Variants in LDB2 observed in about 807,000 individuals in gnomAD.
LDB2 encodes LIM domain-binding protein 2.
LDB2 carries 12 observed loss-of-function variants against 44.3 expected under a neutral mutation model. That is an observed-to-expected ratio of 0.27 (90% CI 0.17 to 0.44). The LOEUF (loss-of-function observed/expected upper bound fraction) is 0.44, where lower values mean the gene tolerates loss of function less well. Ranked by LOEUF, LDB2 falls within the 20% of genes least tolerant of loss-of-function variation. LDB2 has a pLI of 1.00. For synonymous variants in LDB2, 164 were observed against 174.8 expected, an observed-to-expected ratio of 0.94 and a Z score of 0.49; for missense variants, 344 against 473.5, an observed-to-expected ratio of 0.73 and a Z score of 2.54.
intron 2 of LDB2, among the ~76,000 whole-genome samples, chr4:16,745,342 G>A (rs1031235381): frequency 6.6e-6 from 1 of 152,208 alleles, no homozygotes; most frequent in African/African-American, 2.4e-5. Flanking sequence ...GGAGACTGCG[G>A]GGATTTAAGA....
chr4:16,788,671 G>A (rs558487147), intron 1 of LDB2, among the ~76,000 whole-genome samples: 1 of 152,216 alleles, frequency 6.6e-6, no homozygotes, highest in Non-Finnish European at 1.5e-5. Flanking sequence ...AGCACTGGTA[G>A]ATGAAAAAAC....
chr4:16,640,084 T>C (rs1734716735), intron 2 of LDB2, among the ~76,000 whole-genome samples: 1 of 152,258 alleles, frequency 6.6e-6, no homozygotes. Flanking sequence ...CCACTTTACT[T>C]TCTACATGTT....
chr4:16,535,455 C>G (rs1731495752), intron 5 of LDB2, among the ~76,000 whole-genome samples: 1 of 152,198 alleles, frequency 6.6e-6, no homozygotes, highest in Admixed American at 6.5e-5. Context: ...TGAGTGTCCA[C>G]ATTCTGTGTG....
chr4:16,543,523 GTGA>G (rs1325777581), intron 5 of LDB2, among the ~76,000 whole-genome samples: 3 of 152,230 alleles, frequency 2.0e-5, no homozygotes, highest in African/African-American at 4.8e-5. Flanking sequence ...CTGATGGCCA[GTGA>G]TGATGAGCAT....
At chr4:16,612,450 A>G (rs56149911) in intron 2 of LDB2, among the ~76,000 whole-genome samples, 54,041 of 151,952 alleles carry the variant, frequency 0.36, 10,024 homozygotes, top group East Asian at 0.57. Flanking sequence ...AAAAATTAAC[A>G]AAACAGATTG....
chr4:16,762,057 G>A (rs183133921), intron 1 of LDB2, among the ~76,000 whole-genome samples: 206 of 152,254 alleles, frequency 1.4e-3, no homozygotes, highest in Non-Finnish European at 2.3e-3. Context: ...CCAGCCAGGC[G>A]TGGTGGTGGG....
chr4:16,782,129 C>T (rs1376540725), intron 1 of LDB2, among the ~76,000 whole-genome samples: 2 of 152,164 alleles, frequency 1.3e-5, no homozygotes, highest in Non-Finnish European at 2.9e-5. Context: ...TATTCCAAAC[C>T]GCAGGCCAGG....
At chr4:16,671,115 A>T (rs536291594) in intron 2 of LDB2, among the ~76,000 whole-genome samples, 1 of 125,104 alleles carries the variant, frequency 8.0e-6, no homozygotes, top group East Asian at 2.0e-4. Flanking sequence ...ATACAAAAAA[A>T]AAAAACAAAA....
chr4:16,736,016 C>A (rs1027385566), intron 2 of LDB2, among the ~76,000 whole-genome samples: 2 of 152,112 alleles, frequency 1.3e-5, no homozygotes, highest in South Asian at 2.1e-4. Context: ...CCTATAGATG[C>A]CACAGTGTCT....
At chr4:16,560,063 A>T (rs1741454329) in intron 5 of LDB2, among the ~76,000 whole-genome samples, 2 of 152,232 alleles carry the variant, frequency 1.3e-5, no homozygotes, top group South Asian at 4.1e-4. Context: ...ACACATTCAA[A>T]GCAGTGTGTA....
chr4:16,681,804 C>G (rs77165056), intron 2 of LDB2, among the ~76,000 whole-genome samples: 6,093 of 151,788 alleles, frequency 0.04, 169 homozygotes, highest in South Asian at 0.11. Context: ...ATCTTCTGAC[C>G]TCGTGATCTG....
chr4:16,624,931 T>C (rs1729878724), intron 2 of LDB2, among the ~76,000 whole-genome samples: 1 of 152,220 alleles, frequency 6.6e-6, no homozygotes, highest in African/African-American at 2.4e-5. Context: ...ACTCAGAGCT[T>C]AAAGATCAAT....
At chr4:16,728,290 A>C (rs911608511) in intron 2 of LDB2, among the ~76,000 whole-genome samples, 4 of 152,220 alleles carry the variant, frequency 2.6e-5, no homozygotes, top group African/African-American at 9.6e-5. Flanking sequence ...CTCTTAAATG[A>C]GGAGCTGTCC....
At chr4:16,817,011 T>C (rs1003570623) in intron 1 of LDB2, among the ~76,000 whole-genome samples, 1 of 152,156 alleles carries the variant, frequency 6.6e-6, no homozygotes, top group African/African-American at 2.4e-5. Context: ...TTGGCTTCAG[T>C]ATTGCATCGC....
intron 1 of LDB2, among the ~76,000 whole-genome samples, chr4:16,889,608 T>C (rs1265412230): frequency 6.6e-6 from 1 of 152,110 alleles, no homozygotes; most frequent in Non-Finnish European, 1.5e-5. Context: ...TTGGGGAAAA[T>C]TTTAGCGTCA....
intron 5 of LDB2, among the ~76,000 whole-genome samples, chr4:16,573,191 G>C (rs1044253556): frequency 2.0e-5 from 3 of 152,194 alleles, no homozygotes. Context: ...ATTCCATTAG[G>C]TGCATATAGT....
rs1713078250 is a variant in LDB2, at chr4:16,862,662, A to C, written c.132+35692T>G. 2.8e-5 allele frequency among the ~76,000 whole-genome samples: 4 copies of C among 140,604 alleles called. No homozygotes were observed. In the South Asian group the frequency reaches 9.3e-4, roughly 33 times the overall value. 92.2% of individuals were successfully genotyped at this position (140,604 alleles called of 152,430 possible). ...AAAAAAAAAAAAAAAAAAAAAAAAA[A>C]AAGGAGCCCTCTGGCTCTGGCCCTT... is the stretch of plus-strand genomic sequence containing the variant. On this transcript the variant is annotated intron_variant, in intron 1 of 7. Transcript: ENST00000304523.
intron 1 of LDB2, among the ~76,000 whole-genome samples, chr4:16,805,549 A>G (rs1332926271): frequency 2.0e-5 from 3 of 152,144 alleles, no homozygotes; most frequent in Non-Finnish European, 4.4e-5. Context: ...TCTTGATTGG[A>G]GTAGAGAGAA....
At chr4:16,867,116 GT>G (rs1475660891) in intron 1 of LDB2, among the ~76,000 whole-genome samples, 1 of 152,168 alleles carries the variant, frequency 6.6e-6, no homozygotes, top group African/African-American at 2.4e-5. Flanking sequence ...CTGTGGGGAA[GT>G]CCAAGGCACA....
Sources: allele counts gnomAD v4.1 joint callset (sites outside exome capture counted in the v4.1 genomes callset), GRCh38; gene constraint gnomAD v4.1.1; transcripts MANE v1.5; gene names NCBI Gene and HGNC (gene_info 2026-07-23, HGNC 2026-07-21).